Variants in ROBO2 observed in about 807,000 individuals in gnomAD.
ROBO2 encodes roundabout guidance receptor 2.
A neutral mutation model predicts 160.8 loss-of-function variants in ROBO2; 53 were observed. The observed-to-expected ratio is 0.33, with a 90% CI of 0.26 to 0.41. ROBO2 has a LOEUF of 0.41. Among genes scored for constraint, ROBO2 ranks in the 10% least tolerant of loss-of-function variants. The pLI is 1.00. For synonymous variants in ROBO2, 664 were observed against 611.7 expected, an observed-to-expected ratio of 1.09 and a Z score of -1.26; for missense variants, 1,577 against 1,722.4, an observed-to-expected ratio of 0.92 and a Z score of 1.49.
intron 2 of ROBO2, among the ~76,000 whole-genome samples, chr3:76,251,219 G>A (rs1041801705): frequency 1.4e-4 from 21 of 151,796 alleles, no homozygotes; most frequent in Non-Finnish European, 2.8e-4. Flanking sequence ...GTTATTAACT[G>A]GACTTGTGCT....
At chr3:77,172,569 T>C (rs1239470754) in intron 2 of ROBO2, among the ~76,000 whole-genome samples, 1 of 152,196 alleles carries the variant, frequency 6.6e-6, no homozygotes, top group Non-Finnish European at 1.5e-5. Context: ...TGTTTACATT[T>C]GTGTATGTTC....
intron 2 of ROBO2, among the ~76,000 whole-genome samples, chr3:75,958,331 C>T (rs991903097): frequency 2.0e-5 from 3 of 151,746 alleles, no homozygotes; most frequent in Admixed American, 1.3e-4. Context: ...TTGACACTTA[C>T]GTGGCAGCAC....
At chr3:76,135,459 A>T (rs1285592239) in intron 2 of ROBO2, among the ~76,000 whole-genome samples, 1 of 152,032 alleles carries the variant, frequency 6.6e-6, no homozygotes, top group East Asian at 1.9e-4. Flanking sequence ...ACTTTTGTAT[A>T]ATTTGTTATA....
At chr3:76,410,927 G>A (rs183379373) in intron 2 of ROBO2, among the ~76,000 whole-genome samples, 35 of 152,222 alleles carry the variant, frequency 2.3e-4, no homozygotes, top group Admixed American at 1.5e-3. Context: ...AGAAAAAACT[G>A]TTGTCATGGC....
chr3:76,446,718 G>A (rs1183405712), intron 2 of ROBO2, among the ~76,000 whole-genome samples: 1 of 152,088 alleles, frequency 6.6e-6, no homozygotes, highest in Non-Finnish European at 1.5e-5. Context: ...ACAGAACAGA[G>A]CCCTCAGAAA....
chr3:76,757,017 C>T (rs899544188), intron 2 of ROBO2, among the ~76,000 whole-genome samples: 11 of 151,840 alleles, frequency 7.2e-5, no homozygotes, highest in African/African-American at 2.4e-4. Flanking sequence ...TTGGAGATTA[C>T]AGCTGCTAAA....
intron 2 of ROBO2, among the ~76,000 whole-genome samples, chr3:76,811,636 G>C (rs761822965): frequency 6.6e-6 from 1 of 152,128 alleles, no homozygotes; most frequent in African/African-American, 2.4e-5. Flanking sequence ...CTCTGAGCTA[G>C]AAAACCAAAT....
intron 2 of ROBO2, among the ~76,000 whole-genome samples, chr3:76,894,867 A>T (rs2074642411): frequency 6.6e-6 from 1 of 152,156 alleles, no homozygotes; most frequent in Admixed American, 6.5e-5. Context: ...CCAAATTTTC[A>T]ATTCAACCAG....
intron 2 of ROBO2, among the ~76,000 whole-genome samples, chr3:76,057,872 T>C (rs780165768): frequency 6.6e-6 from 1 of 152,236 alleles, no homozygotes; most frequent in Non-Finnish European, 1.5e-5. Flanking sequence ...CAAATGTTTT[T>C]GTTTAGCTGT....
intron 2 of ROBO2, among the ~76,000 whole-genome samples, chr3:76,402,480 A>G (rs917388589): frequency 1.1e-4 from 16 of 151,598 alleles, no homozygotes; most frequent in African/African-American, 3.4e-4. Flanking sequence ...GCAAGAACTT[A>G]TGGGCTTAAA....
chr3:76,376,957 A>G (rs1332177442), intron 2 of ROBO2, among the ~76,000 whole-genome samples: 2 of 152,114 alleles, frequency 1.3e-5, no homozygotes, highest in Non-Finnish European at 2.9e-5. Flanking sequence ...GGTGTTGCTA[A>G]AGGTCAAAAC....
At chr3:77,557,740 T>C (rs1170146176) in intron 8 of ROBO2, among the ~76,000 whole-genome samples, 1 of 152,008 alleles carries the variant, frequency 6.6e-6, no homozygotes, top group African/African-American at 2.4e-5. Context: ...ATGGCCTTAG[T>C]ATAGTATATA....
At chr3:76,585,879 A>G (rs955451896) in intron 2 of ROBO2, among the ~76,000 whole-genome samples, 2 of 152,218 alleles carry the variant, frequency 1.3e-5, no homozygotes, top group African/African-American at 4.8e-5. Flanking sequence ...CATATATATC[A>G]CAAAATAATT....
chr3:76,056,840 G>A (rs1001540724), intron 2 of ROBO2, among the ~76,000 whole-genome samples: 2 of 152,154 alleles, frequency 1.3e-5, no homozygotes, highest in African/African-American at 4.8e-5. Flanking sequence ...AGAGGAAAGT[G>A]TAATGTCAGA....
intron 21 of ROBO2, 149 bp downstream of exon 22, chr3:77,608,103 T>C: frequency 1.4e-6 from 1 of 733,306 alleles, no homozygotes; most frequent in Non-Finnish European, 2.3e-6. Flanking sequence ...TTGTTTGCAC[T>C]GTCTATATAT....
At chr3:77,288,816 A>C (rs2060807381) in intron 2 of ROBO2, among the ~76,000 whole-genome samples, 1 of 152,206 alleles carries the variant, frequency 6.6e-6, no homozygotes. Flanking sequence ...ACCTGGGTCC[A>C]GAATTTCAAA....
intron 2 of ROBO2, among the ~76,000 whole-genome samples, chr3:76,860,635 G>A (rs867272262): frequency 2.6e-5 from 4 of 151,870 alleles, no homozygotes; most frequent in African/African-American, 9.7e-5. Flanking sequence ...ACCTATCCTC[G>A]TCATTGTCTG....
At chr3:76,980,315 T>C (rs770785118) in intron 2 of ROBO2, among the ~76,000 whole-genome samples, 3 of 152,212 alleles carry the variant, frequency 2.0e-5, no homozygotes, top group Non-Finnish European at 4.4e-5. Context: ...CTACGCTGGC[T>C]TCCTAAATCT....
chr3:77,438,586 ATT>A (rs991300118), intron 2 of ROBO2, among the ~76,000 whole-genome samples: 2 of 151,804 alleles, frequency 1.3e-5, no homozygotes, highest in African/African-American at 4.8e-5. Flanking sequence ...GTGTATATAT[ATT>A]GTGTATATTA....
Sources: allele counts gnomAD v4.1 joint callset (sites outside exome capture counted in the v4.1 genomes callset), GRCh38; gene constraint gnomAD v4.1.1; transcripts MANE v1.5; gene names NCBI Gene and HGNC (gene_info 2026-07-23, HGNC 2026-07-21).